Variants in COLGALT2 observed in about 807,000 individuals in gnomAD.
COLGALT2 encodes the protein procollagen galactosyltransferase 2.
In COLGALT2, 49 loss-of-function variants were observed where a neutral mutation model predicts 73.4. That is an observed-to-expected ratio of 0.67 (90% CI 0.53 to 0.85). COLGALT2 has a LOEUF of 0.85. COLGALT2 is among the 40% of genes least tolerant of loss of function. The probability of loss-of-function intolerance (pLI) is 0.00; values close to 1 mark genes in which losing one functional copy is unlikely to be tolerated. For synonymous variants in COLGALT2, 295 were observed against 307.6 expected, an observed-to-expected ratio of 0.96 and a Z score of 0.43; for missense variants, 722 against 790.2, an observed-to-expected ratio of 0.91 and a Z score of 1.03.
intron 1 of COLGALT2, among the ~76,000 whole-genome samples, chr1:183,994,348 T>G (rs77548555): frequency 0.078 from 11,846 of 151,782 alleles, 818 homozygotes; most frequent in East Asian, 0.41. Flanking sequence ...TCTCCTTTAA[T>G]TCTTACAACA....
chr1:183,964,874 T>C (rs1435209353), intron 5 of COLGALT2, among the ~76,000 whole-genome samples: 1 of 152,192 alleles, frequency 6.6e-6, no homozygotes, highest in Non-Finnish European at 1.5e-5. Flanking sequence ...CCGCCATGTA[T>C]CCAAGCCTCT....
intron 1 of COLGALT2, among the ~76,000 whole-genome samples, chr1:183,998,443 T>C (rs1671827148): frequency 6.6e-6 from 1 of 152,220 alleles, no homozygotes; most frequent in African/African-American, 2.4e-5. Flanking sequence ...ATTCCTCTGT[T>C]GGTTGCAAAA....
At chr1:184,002,949 GAAAC>G (rs535892103) in intron 1 of COLGALT2, among the ~76,000 whole-genome samples, 253 of 151,940 alleles carry the variant, frequency 1.7e-3, no homozygotes, top group Non-Finnish European at 2.3e-3. Flanking sequence ...CAAAAGAATG[GAAAC>G]AAACTAAATA....
chr1:184,024,655 CTT>C (rs35844838), intron 1 of COLGALT2, among the ~76,000 whole-genome samples: 5 of 128,282 alleles, frequency 3.9e-5, no homozygotes, highest in Admixed American at 8.1e-5. Context: ...CCAGCCTCAG[CTT>C]TTTTTTTTTT....
chr1:183,996,297 G>C (rs1671769384), intron 1 of COLGALT2, among the ~76,000 whole-genome samples: 1 of 152,196 alleles, frequency 6.6e-6, no homozygotes, highest in African/African-American at 2.4e-5. Context: ...ATATGAAAAA[G>C]AGAAGGCAGA....
At position 183,961,140 on chromosome 1, in the gene COLGALT2, A is replaced by G. The variant is rs1341677735; in HGVS notation, c.952+2761T>C. On this transcript the variant is annotated intron_variant, in intron 6 of 11. Coordinates refer to ENST00000361927, the MANE Select transcript of COLGALT2 (RefSeq NM_015101.4). Reference sequence around the variant, plus strand: ...TCCTATTGTGTTCTATATTTTTAGAATTCAGGACAGAAGGTAAGTATAAGA... The same window carrying G: ...TCCTATTGTGTTCTATATTTTTAGAGTTCAGGACAGAAGGTAAGTATAAGA... Among the ~76,000 whole-genome samples, 4 of 152,324 alleles carry G rather than the reference A, an allele frequency of 2.6e-5. No individual in the cohort carries two copies. The East Asian group carries it at 5.8e-4, about 22-fold the overall frequency.
rs554619315 is a variant in COLGALT2 at position 183,954,427 on chromosome 1, T to C, written c.1029+335A>G. Among the ~76,000 whole-genome samples, 5 of 152,312 alleles carry C rather than the reference T, an allele frequency of 3.3e-5. No individual in the cohort carries two copies. In the East Asian group the frequency reaches 9.6e-4, roughly 29 times the overall value. On this transcript the variant is annotated intron_variant, in intron 7 of 11. Transcript: ENST00000361927. ...ATTAAAGTCCTCCATATCTAAAACA[T>C]GTATCCTCTGTATCTTACTCTTGAA...
At chr1:183,969,034 T>G (rs760457766) in intron 5 of COLGALT2, among the ~76,000 whole-genome samples, 1 of 151,838 alleles carries the variant, frequency 6.6e-6, no homozygotes, top group African/African-American at 2.4e-5. Context: ...TCACCACCAG[T>G]CCCTCCAACT....
At chr1:183,943,064 A>T (rs1670157305) in intron 10 of COLGALT2, among the ~76,000 whole-genome samples, 1 of 152,216 alleles carries the variant, frequency 6.6e-6, no homozygotes, top group South Asian at 2.1e-4. Context: ...CTTCTGGAGG[A>T]TATAGGAAGA....
intron 1 of COLGALT2, among the ~76,000 whole-genome samples, chr1:184,019,816 G>A (rs1236927284): frequency 2.6e-5 from 4 of 152,192 alleles, no homozygotes; most frequent in Non-Finnish European, 4.4e-5. Context: ...GGAAGATGCA[G>A]AGCAGGATCC....
chr1:184,010,812 T>C (rs545665656), intron 1 of COLGALT2, among the ~76,000 whole-genome samples: 1 of 152,196 alleles, frequency 6.6e-6, no homozygotes, highest in Non-Finnish European at 1.5e-5. Context: ...GCTCCAAAAG[T>C]ACTGGCCACC....
intron 1 of COLGALT2, among the ~76,000 whole-genome samples, chr1:183,979,205 CCTAA>C (rs1671285063): frequency 6.6e-6 from 1 of 152,020 alleles, no homozygotes; most frequent in Non-Finnish European, 1.5e-5. Flanking sequence ...TGTAAAAGGG[CCTAA>C]CTCATTTATT....
At chr1:183,941,450 C>A (rs534101484) in intron 10 of COLGALT2, among the ~76,000 whole-genome samples, 35 of 152,334 alleles carry the variant, frequency 2.3e-4, no homozygotes, top group African/African-American at 7.9e-4. Context: ...CCGTGAACAA[C>A]TTCTACAACA....
intron 6 of COLGALT2, among the ~76,000 whole-genome samples, chr1:183,958,459 G>A (rs1357280229): frequency 6.6e-6 from 1 of 152,116 alleles, no homozygotes; most frequent in East Asian, 1.9e-4. Context: ...ACCAAATGAT[G>A]TAAGTGTCCT....
intron 1 of COLGALT2, among the ~76,000 whole-genome samples, chr1:183,983,883 G>A (rs1176930941): frequency 1.3e-5 from 2 of 152,210 alleles, no homozygotes; most frequent in Non-Finnish European, 2.9e-5. Context: ...AACAAATGAT[G>A]TGCAAGGACA....
intron 1 of COLGALT2, among the ~76,000 whole-genome samples, chr1:184,036,784 G>A (rs1187688421): frequency 6.6e-6 from 1 of 152,210 alleles, no homozygotes; most frequent in Non-Finnish European, 1.5e-5. Flanking sequence ...AAGTCCCCTT[G>A]AGGGGTGTCC....
rs970339553 is a variant in COLGALT2, at chr1:183,936,994, T to A, written c.*1767A>T. The A allele has an allele frequency of 1.6e-6, 2 of 1,231,792 alleles. No homozygotes were observed. Among genetic ancestry groups the A allele is most frequent in the Non-Finnish European group, 2.0e-6 (2 of 987,996 alleles). The allele number at this position is 1,231,792 out of a possible 1,614,324, so 76.3% of individuals were successfully genotyped here. ...ACTACCTATTTGGTGATGAGACAGCTTGGTGATCACTTTCTCTAGACTCTG... is the reference window on the plus strand; with the variant it reads ...ACTACCTATTTGGTGATGAGACAGCATGGTGATCACTTTCTCTAGACTCTG... On this transcript the variant is annotated 3_prime_UTR_variant, in exon 12 of 12. Coordinates refer to ENST00000361927, the MANE Select transcript of COLGALT2 (RefSeq NM_015101.4).
chr1:183,941,690 T>A (rs1670116133), intron 10 of COLGALT2, among the ~76,000 whole-genome samples: 1 of 152,200 alleles, frequency 6.6e-6, no homozygotes, highest in Non-Finnish European at 1.5e-5. Context: ...GTAGAACAAG[T>A]CTATGTTCAA....
intron 10 of COLGALT2, 107 bp from the exon 11 acceptor site, chr1:183,940,894 CTCTG>C (rs1670090652): frequency 6.4e-6 from 6 of 939,402 alleles, no homozygotes; most frequent in Admixed American, 1.9e-5. Context: ...CCTGGACTGA[CTCTG>C]TCTGTCATTA....
Sources: allele counts gnomAD v4.1 joint callset (sites outside exome capture counted in the v4.1 genomes callset), GRCh38; gene constraint gnomAD v4.1.1; transcripts MANE v1.5; gene names NCBI Gene and HGNC (gene_info 2026-07-23, HGNC 2026-07-21).